MCTP2: variants seen among roughly 807,000 people sequenced by gnomAD.
The protein encoded by MCTP2 is multiple C2 and transmembrane domain-containing protein 2.
Under a neutral mutation model 111.6 loss-of-function variants are expected in MCTP2, and 132 were observed. That is an observed-to-expected ratio of 1.18 (90% CI 1.03 to 1.37). The LOEUF (loss-of-function observed/expected upper bound fraction) is 1.37, where lower values mean the gene tolerates loss of function less well. MCTP2 is among the 40% of genes most tolerant of loss of function. The probability of loss-of-function intolerance (pLI) is 0.00; values close to 1 mark genes in which losing one functional copy is unlikely to be tolerated. For synonymous variants in MCTP2, 395 were observed against 387.7 expected (o/e 1.02, Z -0.22); for missense variants, 1,183 against 1,067.9 (o/e 1.11, Z -1.50).
At chr15:94,357,568 T>C (rs1243220014) in intron 9 of MCTP2, among the ~76,000 whole-genome samples, 1 of 152,102 alleles carries the variant, frequency 6.6e-6, no homozygotes, top group Non-Finnish European at 1.5e-5. Flanking sequence ...TGTTTTTGTT[T>C]TTTTCCCAAC....
chr15:94,399,548 T>C (rs2081452234), intron 15 of MCTP2: 1 of 179,744 alleles, frequency 5.6e-6, no homozygotes, highest in Non-Finnish European at 1.2e-5. Flanking sequence ...AACTGGAAAT[T>C]GTTATTCACA....
At chr15:94,402,155 AACCCCTTAAATT>A in intron 17 of MCTP2, 136 bp downstream of exon 17, 2 of 1,337,000 alleles carry the variant, frequency 1.5e-6, no homozygotes, top group Non-Finnish European at 2.0e-6. Flanking sequence ...TTACCTGGGA[AACCCCTTAAATT>A]ACCCAAATCT....
intron 10 of MCTP2, among the ~76,000 whole-genome samples, chr15:94,366,016 A>T (rs562868176): frequency 1.4e-4 from 22 of 152,336 alleles, no homozygotes; most frequent in Admixed American, 5.9e-4. Context: ...AATATTGCTC[A>T]AGAATTTGTG....
At chr15:94,405,821 T>C (rs3784647) in intron 17 of MCTP2, among the ~76,000 whole-genome samples, 109,482 of 152,102 alleles carry the variant, frequency 0.72, 40,144 homozygotes, top group Middle Eastern at 0.83. Context: ...CCTATGTTTT[T>C]CAGATATTTT....
At chr15:94,401,868 C>G (rs755632348) in intron 16 of MCTP2, 32 bp from the exon 17 acceptor site, 1 of 1,571,994 alleles carries the variant, frequency 6.4e-7, no homozygotes, top group Admixed American at 1.8e-5. Context: ...GTATTTAAAT[C>G]TAGTTTCCTG....
At chr15:94,465,767 GTCTTTTTATT>G (rs2073224771) in intron 20 of MCTP2, among the ~76,000 whole-genome samples, 1 of 150,248 alleles carries the variant, frequency 6.7e-6, no homozygotes, top group Admixed American at 6.6e-5. Flanking sequence ...CTTGTTCCGT[GTCTTTTTATT>G]TCTTCTGTAT....
chr15:94,258,210 G>A (rs1245652086), intron 1 of MCTP2, among the ~76,000 whole-genome samples: 1 of 151,896 alleles, frequency 6.6e-6, no homozygotes, highest in Non-Finnish European at 1.5e-5. Flanking sequence ...AATCCCAGGA[G>A]GGTTTCTAAT....
chr15:94,390,111 T>C (rs1201179848), intron 14 of MCTP2, among the ~76,000 whole-genome samples: 3 of 36,516 alleles, frequency 8.2e-5, no homozygotes, highest in African/African-American at 2.0e-4. Context: ...TATATATATA[T>C]ATGTATATAT....
intron 4 of MCTP2, among the ~76,000 whole-genome samples, chr15:94,322,004 A>T (rs1291712821): frequency 6.6e-6 from 1 of 152,184 alleles, no homozygotes; most frequent in Admixed American, 6.5e-5. Flanking sequence ...GCTGAGGAGG[A>T]GGTGAAAGAC....
At chr15:94,325,970 C>T (rs2076853495) in intron 4 of MCTP2, among the ~76,000 whole-genome samples, 1 of 151,910 alleles carries the variant, frequency 6.6e-6, no homozygotes, top group African/African-American at 2.4e-5. Context: ...CAGGCATGCG[C>T]CACCATGCCC....
intron 19 of MCTP2, among the ~76,000 whole-genome samples, chr15:94,448,224 C>T (rs915209729): frequency 1.3e-5 from 2 of 152,174 alleles, no homozygotes; most frequent in African/African-American, 4.8e-5. Context: ...GAAATAGTAT[C>T]AGTCTGGCCT....
At chr15:94,454,063 A>G (rs958495562) in intron 19 of MCTP2, among the ~76,000 whole-genome samples, 1 of 152,232 alleles carries the variant, frequency 6.6e-6, no homozygotes, top group Non-Finnish European at 1.5e-5. Flanking sequence ...TTCCTGCCAA[A>G]GGATGCAAAC....
At chr15:94,301,630 G>A (rs2075617253) in intron 2 of MCTP2, among the ~76,000 whole-genome samples, 1 of 152,180 alleles carries the variant, frequency 6.6e-6, no homozygotes, top group Non-Finnish European at 1.5e-5. Flanking sequence ...AACGATGATA[G>A]CAACGTGTGC....
intron 7 of MCTP2, chr15:94,342,952 A>G (rs1349630776): frequency 6.6e-6 from 1 of 150,578 alleles, no homozygotes; most frequent in Non-Finnish European, 1.5e-5. Context: ...ATATATGGAT[A>G]CATGTATATA....
intron 1 of MCTP2, among the ~76,000 whole-genome samples, chr15:94,289,470 G>C (rs1440393984): frequency 6.6e-6 from 1 of 152,148 alleles, no homozygotes; most frequent in East Asian, 1.9e-4. Flanking sequence ...TAACAAGAAG[G>C]CCTTCTTAAA....
chr15:94,350,737 A>T (rs562274987), intron 8 of MCTP2, among the ~76,000 whole-genome samples: 1 of 152,374 alleles, frequency 6.6e-6, no homozygotes, highest in Non-Finnish European at 1.5e-5. Flanking sequence ...GGGTAGCAGG[A>T]TTATACAAGT....
intron 12 of MCTP2, among the ~76,000 whole-genome samples, chr15:94,381,966 C>A (rs1170415959): frequency 2.0e-5 from 3 of 152,216 alleles, no homozygotes. Context: ...GTGTTTGAAT[C>A]ATTTCCCATT....
intron 21 of MCTP2, among the ~76,000 whole-genome samples, chr15:94,474,456 G>A (rs2074184621): frequency 6.6e-6 from 1 of 152,150 alleles, no homozygotes; most frequent in African/African-American, 2.4e-5. Flanking sequence ...GAAATGTGAG[G>A]TACAGGAAGG....
intron 4 of MCTP2, among the ~76,000 whole-genome samples, chr15:94,328,377 C>A (rs950574012): frequency 2.0e-5 from 3 of 152,164 alleles, no homozygotes; most frequent in Non-Finnish European, 4.4e-5. Context: ...ATCCACCCGC[C>A]TTGGCCTCCC....
Sources: gnomAD v4.1 joint callset for allele counts (sites outside exome capture counted in the v4.1 genomes callset) on GRCh38, gnomAD v4.1.1 for gene constraint, MANE v1.5 for transcripts, NCBI Gene and HGNC (gene_info 2026-07-23, HGNC 2026-07-21) for gene names.